The following PTPRN2 variants were observed in gnomAD, a reference collection of about 807,000 sequenced individuals.
The protein encoded by PTPRN2 is receptor-type tyrosine-protein phosphatase N2.
PTPRN2 carries 74 observed loss-of-function variants against 118.8 expected under a neutral mutation model. That is an observed-to-expected ratio of 0.62 (90% confidence interval 0.52 to 0.76). The LOEUF (loss-of-function observed/expected upper bound fraction) is 0.76. Ranked by LOEUF, PTPRN2 falls within the 30% of genes least tolerant of loss-of-function variation. PTPRN2 has a pLI of 0.00. For missense variants in PTPRN2, 1,481 were observed against 1,394.4 expected (o/e 1.06, Z -0.99); for synonymous variants, 641 against 608.0 (o/e 1.05, Z -0.80).
chr7:158,025,205 G>A (rs532539991), intron 11 of PTPRN2, among the ~76,000 whole-genome samples: 3 of 152,154 alleles, frequency 2.0e-5, no homozygotes, highest in Non-Finnish European at 4.4e-5. Context: ...GGAGAGCCGC[G>A]CCTCCTTGTC....
chr7:158,504,289 C>T (rs1427838340), intron 1 of PTPRN2, among the ~76,000 whole-genome samples: 2 of 152,138 alleles, frequency 1.3e-5, no homozygotes, highest in African/African-American at 4.8e-5. Context: ...CTGCACAGAG[C>T]ATCCCCTCAC....
At chr7:157,608,971 TAG>T (rs1802170544) in intron 15 of PTPRN2, among the ~76,000 whole-genome samples, 1 of 152,238 alleles carries the variant, frequency 6.6e-6, no homozygotes, top group Admixed American at 6.5e-5. Flanking sequence ...GGAACTCACG[TAG>T]AGTCTTCCTT....
chr7:158,013,277 C>T (rs1173544291), intron 11 of PTPRN2, among the ~76,000 whole-genome samples: 3 of 152,228 alleles, frequency 2.0e-5, no homozygotes, highest in Non-Finnish European at 4.4e-5. Flanking sequence ...GCTCCCTGCA[C>T]AGACTTGGCA....
chr7:158,518,992 CA>C (rs1823779163), intron 1 of PTPRN2, among the ~76,000 whole-genome samples: 1 of 152,028 alleles, frequency 6.6e-6, no homozygotes, highest in South Asian at 2.1e-4. Flanking sequence ...TGTCTCTAAA[CA>C]AACAAACAAA....
intron 2 of PTPRN2, among the ~76,000 whole-genome samples, chr7:158,450,869 G>A (rs114749440): frequency 0.012 from 1,836 of 152,292 alleles, 33 homozygotes; most frequent in African/African-American, 0.042. Context: ...AGGGCAAGGA[G>A]CGAAACCTCA....
intron 13 of PTPRN2, among the ~76,000 whole-genome samples, chr7:157,661,547 G>A (rs1795891296): frequency 6.6e-6 from 1 of 152,262 alleles, no homozygotes; most frequent in African/African-American, 2.4e-5. Flanking sequence ...AAGTGGCTCA[G>A]GCAAACATCT....
At chr7:158,443,654 G>A (rs1007728196) in intron 2 of PTPRN2, among the ~76,000 whole-genome samples, 5 of 152,092 alleles carry the variant, frequency 3.3e-5, no homozygotes, top group South Asian at 2.1e-4. Context: ...CCTGCCAAGC[G>A]TGCGAGCTGC....
rs1803415663 is a variant in PTPRN2 at position 157,777,687 on chromosome 7, C to A, written c.1789-94750G>T. ...GGTGTGCTTAGGCACAGCAGTCATT[C>A]CTGGGCTGCTGACATAATTCAGCGA... On this transcript the variant is annotated intron_variant, in intron 12 of 22. Transcript: ENST00000389418. Among the ~76,000 whole-genome samples, 3 of 152,218 alleles carry A rather than the reference C, an allele frequency of 2.0e-5. No homozygotes were observed. In the South Asian group the frequency reaches 6.2e-4, roughly 32 times the overall value.
At chr7:158,477,188 G>A (rs745400335) in intron 2 of PTPRN2, among the ~76,000 whole-genome samples, 6 of 152,324 alleles carry the variant, frequency 3.9e-5, no homozygotes, top group South Asian at 4.1e-4. Context: ...ATGAAGGGGC[G>A]GGGCCCTGCC....
In PTPRN2 at chr7:157,803,629, G is replaced by A. The variant is rs549069639; in HGVS notation, c.1788+95044C>T. ...TTTTGTGGATGTGAGGTGAGGGTCC[G>A]ATGCCGTTCTTTTGCATGTGGACAT... On this transcript the variant is annotated intron_variant, in intron 12 of 22. Coordinates refer to ENST00000389418, the MANE Select transcript of PTPRN2 (RefSeq NM_002847.5). Among the ~76,000 whole-genome samples, 181 of 152,268 alleles carry A rather than the reference G, an allele frequency of 1.2e-3. 1 individual carries two copies. Among genetic ancestry groups the A allele is most frequent in the African/African-American group, 4.3e-3 (178 of 41,546 alleles).
chr7:158,146,428 TAAGA>T (rs1174571970), intron 6 of PTPRN2, among the ~76,000 whole-genome samples: 1 of 152,026 alleles, frequency 6.6e-6, no homozygotes, highest in African/African-American at 2.4e-5. Context: ...AACATTATTC[TAAGA>T]AATAATAGGC....
chr7:157,679,094 T>C (rs896310771), intron 13 of PTPRN2, among the ~76,000 whole-genome samples: 8 of 152,158 alleles, frequency 5.3e-5, no homozygotes, highest in African/African-American at 1.9e-4. Flanking sequence ...TGTACATGTG[T>C]GTATAAATAT....
chr7:158,194,761 T>A (rs1337733669), intron 4 of PTPRN2, among the ~76,000 whole-genome samples: 1 of 152,216 alleles, frequency 6.6e-6, no homozygotes, highest in African/African-American at 2.4e-5. Flanking sequence ...TAAGTCTAGA[T>A]CCTCGTTAGG....
Position 157,758,762 on chromosome 7 carries a change from G to A in PTPRN2, c.1789-75825C>T, listed in dbSNP as rs577424575. ...AGTGGTCCCTTCCCCAGCTCCCCACGCTACCCCCCAACCCTTGCTGCACAG... is the reference window on the plus strand; with the variant it reads ...AGTGGTCCCTTCCCCAGCTCCCCACACTACCCCCCAACCCTTGCTGCACAG... On this transcript the variant is annotated intron_variant, in intron 12 of 22. Transcript: ENST00000389418. Among the ~76,000 whole-genome samples the A allele has an allele frequency of 2.1e-4, 30 of 143,222 alleles. No homozygotes were observed. The South Asian group carries it at 5.1e-3, about 24-fold the overall frequency. The allele number at this position is 143,222 out of a possible 152,430, so 94.0% of individuals were successfully genotyped here. A position where few individuals can be genotyped will look rare whatever the true frequency, so the allele number is the denominator to read the frequency against.
At chr7:157,698,506 T>C (rs1386032793) in intron 12 of PTPRN2, among the ~76,000 whole-genome samples, 1 of 152,220 alleles carries the variant, frequency 6.6e-6, no homozygotes. Context: ...GCTTGAAGGA[T>C]TGGCTGACAA....
At chr7:158,113,090 G>C (rs4075738) in intron 9 of PTPRN2, among the ~76,000 whole-genome samples, 45,167 of 151,988 alleles carry the variant, frequency 0.3, 7,664 homozygotes, top group Middle Eastern at 0.44. Flanking sequence ...ACTGGCAAAA[G>C]AGAATGAAAA....
chr7:158,125,116 T>C (rs1259012251), intron 9 of PTPRN2, among the ~76,000 whole-genome samples: 1 of 152,136 alleles, frequency 6.6e-6, no homozygotes, highest in Non-Finnish European at 1.5e-5. Flanking sequence ...TGGCGAGACA[T>C]GGCTCAGGCC....
Position 158,576,753 on chromosome 7 carries a change from C to T in PTPRN2, c.112+10805G>A, listed in dbSNP as rs182907436. 3.7e-3 allele frequency among the ~76,000 whole-genome samples: 564 copies of T among 152,100 alleles called. 5 individuals are homozygous for T. Among genetic ancestry groups the T allele is most frequent in the African/African-American group, 9.1e-3 (378 of 41,484 alleles). On this transcript the variant is annotated intron_variant, in intron 1 of 22. Transcript: ENST00000389418. ...GGGGCCTGCACAACACTGAGAGCTC[C>T]CAAACACCACAAACAGCATGGGGCC... is the stretch of plus-strand genomic sequence containing the variant.
At chr7:157,644,869 C>T (rs1481827786) in intron 14 of PTPRN2, among the ~76,000 whole-genome samples, 1 of 152,150 alleles carries the variant, frequency 6.6e-6, no homozygotes, top group African/African-American at 2.4e-5. Flanking sequence ...CTCTGAGCTA[C>T]AATCCTATGC....
Sources: gnomAD v4.1 joint callset for allele counts (sites outside exome capture counted in the v4.1 genomes callset) on GRCh38, gnomAD v4.1.1 for gene constraint, MANE v1.5 for transcripts, NCBI Gene and HGNC (gene_info 2026-07-23, HGNC 2026-07-21) for gene names.